The following TWNK variants were observed in gnomAD, a reference collection of about 807,000 sequenced individuals.
TWNK encodes the protein twinkle mtDNA helicase.
Under a neutral mutation model 58.2 loss-of-function variants are expected in TWNK, and 36 were observed. The ratio of observed to expected loss-of-function variants is 0.62; its 90% confidence interval spans 0.47 to 0.82. The LOEUF (loss-of-function observed/expected upper bound fraction) is 0.82. Among genes scored for constraint, TWNK ranks in the 40% least tolerant of loss-of-function variants. TWNK has a pLI of 0.00. For synonymous variants in TWNK, 349 were observed against 348.5 expected (o/e 1.00, Z -0.02); for missense variants, 714 against 881.0 (o/e 0.81, Z 2.40).
rs1216992278 is a variant in TWNK, at chr10:100,989,915, T to C, written c.1484+31T>C. 3 of 1,613,842 alleles carry C rather than the reference T, an allele frequency of 1.9e-6. No homozygotes were observed. The highest frequency in any genetic ancestry group is 3.3e-5 in the Admixed American group (2 of 60,004). ...ACTCCCAGATTCCAGCCACCTTGCT[T>C]TCCCAGACATATCCCAGCACTCAGG... On this transcript the variant is annotated intron_variant, in intron 2 of 4. Coordinates refer to ENST00000311916, the MANE Select transcript of TWNK (RefSeq NM_021830.5). The surrounding 1 kb of genome is among the most constrained non-coding windows in gnomAD (Gnocchi z 7.6).
Position 100,989,461 on chromosome 10 carries a change from T to G in TWNK, c.1243+8T>G. On this transcript the variant is annotated splice_region_variant and intron_variant, in intron 1 of 4. Coordinates refer to ENST00000311916, the MANE Select transcript of TWNK (RefSeq NM_021830.5). The surrounding 1 kb of genome is among the most constrained non-coding windows in gnomAD (Gnocchi z 7.6). ...AGCTGACGGTCTTCACAGGTAACCC[T>G]TTGAGAAATCACTACTTAGAGTAAA... is the stretch of plus-strand genomic sequence containing the variant. 6.2e-7 allele frequency: 1 copy of G among 1,613,466 alleles called. No homozygotes were observed. The highest frequency in any genetic ancestry group is 8.5e-7 in the Non-Finnish European group (1 of 1,180,016).
chr10:100,991,571 AAG>A (rs758549468), intron 4 of TWNK, among the ~76,000 whole-genome samples: 1 of 152,288 alleles, frequency 6.6e-6, no homozygotes, highest in East Asian at 1.9e-4. Context: ...GGAGCTGGGA[AAG>A]AGAGTAATGC....
At position 100,989,829 on chromosome 10, in the gene TWNK, C is replaced by G; in HGVS notation, c.1429C>G (p.Arg477Gly). 17 of 1,614,182 alleles carry G rather than the reference C, an allele frequency of 1.1e-5. No homozygotes were observed. The highest frequency in any genetic ancestry group is 1.4e-5 in the Non-Finnish European group (17 of 1,180,038). ...GGACAAATATGATCACTGGGCTGACCGCTTTGAGGACCTGCCCCTCTATTT... is the reference window on the plus strand; with the variant it reads ...GGACAAATATGATCACTGGGCTGACGGCTTTGAGGACCTGCCCCTCTATTT... ...QLDKYDHWAD[R>G]FEDLPLYFMT... The change falls in exon 2 of 5, where the codon CGC (arginine) becomes GGC (glycine). Residue 477 changes from arginine to glycine, a missense_variant. By Grantham distance (125) the Arg-to-Gly change is moderately radical. This residue lies in a region of TWNK where 302 missense variants were observed against 438.6 expected (regional missense o/e 0.69). Coordinates refer to ENST00000311916, the MANE Select transcript of TWNK (RefSeq NM_021830.5). The surrounding 1 kb of genome is among the most constrained non-coding windows in gnomAD (Gnocchi z 7.6).
At chr10:100,993,065 C>T (rs1851825955) in intron 4 of TWNK, 125 bp from the exon 5 acceptor site, 4 of 996,836 alleles carry the variant, frequency 4.0e-6, no homozygotes, top group Non-Finnish European at 6.3e-6. Flanking sequence ...GGATTACAGG[C>T]GTGAGCCATT....
At position 100,989,231 on chromosome 10, in the gene TWNK, C is replaced by T. The variant is rs566579080; in HGVS notation, c.1021C>T (p.Arg341Cys). The T allele has an allele frequency of 4.1e-5, 66 of 1,614,178 alleles. No homozygotes were observed. The highest frequency in any genetic ancestry group is 2.9e-4 in the South Asian group (26 of 91,080). The stretch of plus-strand genomic sequence containing the variant: ...GGTGCGACCAGGAGACCAGCAACCC[C>T]GTCCCCTGGAGGCCCTGAACGGAGG... ...FLVRPGDQQP[R>C]PLEALNGGFN... is the part of the protein sequence containing the mutation. Residue 341 changes from arginine to cysteine, a missense_variant, in exon 1 of 5, where the codon CGT becomes TGT. This residue lies in a region of TWNK where 302 missense variants were observed against 438.6 expected (regional missense o/e 0.69). Coordinates refer to ENST00000311916, the MANE Select transcript of TWNK (RefSeq NM_021830.5). This position sits in a 1 kb window ranked among gnomAD's most constrained non-coding sequence, Gnocchi z 7.6.
At chr10:100,993,131 T>G in intron 4 of TWNK, 59 bp from the exon 5 acceptor site, 1 of 1,569,560 alleles carries the variant, frequency 6.4e-7, no homozygotes, top group Non-Finnish European at 8.8e-7. Context: ...CAGCCCCCCT[T>G]TCTGCTTTGC....
rs761509248 is a variant in TWNK, at chr10:100,988,931, C to G, written c.721C>G (p.Pro241Ala). 2.5e-6 allele frequency: 4 copies of G among 1,614,166 alleles called. No individual in the cohort carries two copies. Among genetic ancestry groups the G allele is most frequent in the African/African-American group, 1.3e-5 (1 of 75,044 alleles). The change falls in exon 1 of 5, where the codon CCC becomes GCC. Residue 241 changes from proline (P) to alanine (A), a missense_variant. Physicochemically the swap from Pro to Ala is conservative, Grantham distance 27. This residue lies in a region of TWNK where 348 missense variants were observed against 388.4 expected (regional missense o/e 0.90). Coordinates refer to ENST00000311916, the MANE Select transcript of TWNK (RefSeq NM_021830.5). This position sits in a 1 kb window ranked among gnomAD's most constrained non-coding sequence, Gnocchi z 5.2. ...VSYEETTIPR[P>A]SAYHNLFGLP... is the part of the protein sequence containing the mutation. The stretch of plus-strand genomic sequence containing the variant: ...CTACGAGGAAACCACTATTCCCCGA[C>G]CCAGCGCCTACCACAATCTGTTTGG...
At position 100,989,118 on chromosome 10, in the gene TWNK, G is replaced by C. The variant is rs137852956; in HGVS notation, c.908G>C (p.Arg303Pro). The change falls in exon 1 of 5, where the codon CGG becomes CCG. Residue 303 changes from arginine to proline, a missense_variant. Arg to Pro is a moderately radical substitution (Grantham distance 103). Transcript: ENST00000311916. This position sits in a 1 kb window ranked among gnomAD's most constrained non-coding sequence, Gnocchi z 7.6. ...CTCCCTTACCTGGAACAGTTCCGGC[G>C]GATTGTATTCTGGTTGGGGGATGAC... ...ALLPYLEQFR[R>P]IVFWLGDDLR... is the part of the protein sequence containing the mutation. 1.2e-6 allele frequency: 2 copies of C among 1,612,132 alleles called. No homozygotes were observed. Among genetic ancestry groups the C allele is most frequent in the African/African-American group, 1.3e-5 (1 of 74,854 alleles).
intron 2 of TWNK, among the ~76,000 whole-genome samples, chr10:100,990,150 T>A (rs530190716): frequency 2.1e-5 from 3 of 145,972 alleles, no homozygotes; most frequent in South Asian, 4.5e-4. Context: ...TATAAAAAAA[T>A]TTTTAAAAAT....
chr10:100,989,109 A>G lies in TWNK; in HGVS notation c.899A>G (p.Gln300Arg). ...CCTGCCTTACTCCCTTACCTGGAAC[A>G]GTTCCGGCGGATTGTATTCTGGTTG... The part of the protein sequence containing the change: ...LPPALLPYLE[Q>R]FRRIVFWLGD... The change falls in exon 1 of 5, where the codon CAG becomes CGG. Residue 300 changes from glutamine to arginine, a missense_variant. Physicochemically the swap from Gln to Arg is conservative, Grantham distance 43. Transcript: ENST00000311916. The surrounding 1 kb of genome is among the most constrained non-coding windows in gnomAD (Gnocchi z 7.6). 6.2e-7 allele frequency: 1 copy of G among 1,612,548 alleles called. No homozygotes were observed. The highest frequency in any genetic ancestry group is 8.5e-7 in the Non-Finnish European group (1 of 1,178,732).
chr10:100,988,506 C>A lies in TWNK; in HGVS notation c.296C>A (p.Ser99Tyr), dbSNP rs760229194. The stretch of plus-strand genomic sequence containing the variant: ...AAAGGCCAGACTGGTGTTACCACTT[C>A]CTTCAGCCTCTTCATTGACAAGACC... ...QLKGQTGVTT[S>Y]FSLFIDKTTG... The change falls in exon 1 of 5, where the codon TCC (serine) becomes TAC (tyrosine). Residue 99 changes from serine (S) to tyrosine (Y), a missense_variant. This residue lies in a region of TWNK where 348 missense variants were observed against 388.4 expected (regional missense o/e 0.90). Coordinates refer to ENST00000311916, the MANE Select transcript of TWNK (RefSeq NM_021830.5). This position sits in a 1 kb window ranked among gnomAD's most constrained non-coding sequence, Gnocchi z 5.2. 2 of 1,614,246 alleles carry A rather than the reference C, an allele frequency of 1.2e-6. No individual in the cohort carries two copies. The highest frequency in any genetic ancestry group is 1.1e-5 in the South Asian group (1 of 91,092).
chr10:100,988,727 G>T lies in TWNK; in HGVS notation c.517G>T (p.Val173Phe). ...CTGGGAGCTGCCTGATCAGGAGGAGGTTCAGCTGGCTGATACAATGTTTGG... is the reference window on the plus strand; with the variant it reads ...CTGGGAGCTGCCTGATCAGGAGGAGTTTCAGCTGGCTGATACAATGTTTGG... ...PLWELPDQEEVQLADTMFGLT... is the reference protein window; with the variant it reads ...PLWELPDQEEFQLADTMFGLT... The change falls in exon 1 of 5, where the codon GTT (valine) becomes TTT (phenylalanine). Residue 173 changes from valine (V) to phenylalanine (F), a missense_variant. By Grantham distance (50) the Val-to-Phe change is conservative. Around this residue, in one of 3 missense-constraint regions of TWNK, gnomAD observed 348 missense variants for 388.4 expected, o/e 0.90. Coordinates refer to ENST00000311916, the MANE Select transcript of TWNK (RefSeq NM_021830.5). The surrounding 1 kb of genome is among the most constrained non-coding windows in gnomAD (Gnocchi z 5.2). 1.2e-6 allele frequency: 2 copies of T among 1,614,166 alleles called. No individual in the cohort carries two copies. The highest frequency in any genetic ancestry group is 1.7e-6 in the Non-Finnish European group (2 of 1,180,028).
chr10:100,988,119 G>T lies in TWNK; in HGVS notation c.-92G>T. 1 of 1,384,232 alleles carries T rather than the reference G, an allele frequency of 7.2e-7. No homozygotes were observed. Among genetic ancestry groups the T allele is most frequent in the Non-Finnish European group, 1.0e-6 (1 of 973,204 alleles). 85.7% of individuals were successfully genotyped at this position (1,384,232 alleles called of 1,614,324 possible). On this transcript the variant is annotated 5_prime_UTR_variant, in exon 1 of 5. Coordinates refer to ENST00000311916, the MANE Select transcript of TWNK (RefSeq NM_021830.5). This position sits in a 1 kb window ranked among gnomAD's most constrained non-coding sequence, Gnocchi z 5.2. ...CCTAGAGTGAGCTCTGCAGAGTGCT[G>T]CGTGGGATATCCCTAGAGTTTGGTC...
chr10:100,990,552 G>A lies in TWNK; in HGVS notation c.1592+9G>A. 1.2e-6 allele frequency: 2 copies of A among 1,614,048 alleles called. No homozygotes were observed. The highest frequency in any genetic ancestry group is 1.7e-6 in the Non-Finnish European group (2 of 1,180,032). On this transcript the variant is annotated intron_variant, in intron 3 of 4. Coordinates refer to ENST00000311916, the MANE Select transcript of TWNK (RefSeq NM_021830.5). ...CAGCTGTCCACAGACAGGTGACGGT[G>A]ACATCCTCTCTTGTCTAGCTTGAGC... is the stretch of plus-strand genomic sequence containing the variant.
In TWNK at chr10:100,988,657, G is replaced by A; in HGVS notation, c.447G>A (p.Glu149=). ...TGCTTAGCAAGGCACCAGAATTTGA[G>A]GACAGCGAGGAGGTCCGGAGGATCT... is the stretch of plus-strand genomic sequence containing the variant. ...GFLLSKAPEF[E]DSEEVRRIWN... The change falls in exon 1 of 5, where the codon GAG becomes GAA. Residue 149 remains glutamate, a synonymous_variant. Coordinates refer to ENST00000311916, the MANE Select transcript of TWNK (RefSeq NM_021830.5). The surrounding 1 kb of genome is among the most constrained non-coding windows in gnomAD (Gnocchi z 5.2). 1.2e-6 allele frequency: 2 copies of A among 1,614,062 alleles called. No individual in the cohort carries two copies. The highest frequency in any genetic ancestry group is 1.7e-6 in the Non-Finnish European group (2 of 1,180,014).
chr10:100,989,048 A>G lies in TWNK; in HGVS notation c.838A>G (p.Thr280Ala). The change falls in exon 1 of 5, where the codon ACC becomes GCC. Residue 280 changes from threonine to alanine, a missense_variant. Transcript: ENST00000311916. This position sits in a 1 kb window ranked among gnomAD's most constrained non-coding sequence, Gnocchi z 7.6. ...LALNQSTGLP[T>A]LTLPRGTTCL... ...CTTGAACCAGTCCACGGGGCTGCCT[A>G]CCCTTACTCTACCCCGAGGAACGAC... 6.2e-7 allele frequency: 1 copy of G among 1,613,862 alleles called. No homozygotes were observed. Among genetic ancestry groups the G allele is most frequent in the Non-Finnish European group, 8.5e-7 (1 of 1,179,958 alleles).
chr10:100,991,448 C>G (rs1851772429), intron 4 of TWNK, among the ~76,000 whole-genome samples: 1 of 151,368 alleles, frequency 6.6e-6, no homozygotes, highest in East Asian at 1.9e-4. Flanking sequence ...AGGACCAGCC[C>G]AATCCTGGAG....
rs768792879 is a variant in TWNK at position 100,989,443 on chromosome 10, G to A, written c.1233G>A (p.Thr411=). ...AGGGACATCGAAAGGGCGAGCTGAC[G>A]GTCTTCACAGGTAACCCTTTGAGAA... is the stretch of plus-strand genomic sequence containing the variant. The part of the protein sequence containing the change: ...ILKGHRKGEL[T]VFTGPTGSGK... Residue 411 remains threonine (T), a synonymous_variant, in exon 1 of 5, where the codon ACG becomes ACA. Transcript: ENST00000311916. The surrounding 1 kb of genome is among the most constrained non-coding windows in gnomAD (Gnocchi z 7.6). 17 of 1,613,730 alleles carry A rather than the reference G, an allele frequency of 1.1e-5. No individual in the cohort carries two copies. The highest frequency in any genetic ancestry group is 3.3e-5 in the South Asian group (3 of 91,080).
chr10:100,988,348 A>G lies in TWNK; in HGVS notation c.138A>G (p.Gln46=). 6.2e-7 allele frequency: 1 copy of G among 1,614,266 alleles called. No individual in the cohort carries two copies. The highest frequency in any genetic ancestry group is 8.5e-7 in the Non-Finnish European group (1 of 1,180,048). The part of the protein sequence containing the change: ...PRRRYRKETL[Q]ALDMPVLPVT... The stretch of plus-strand genomic sequence containing the variant: ...GACGTTACAGGAAGGAGACTCTCCA[A>G]GCCTTGGATATGCCAGTGTTGCCTG... Residue 46 remains glutamine, a synonymous_variant, in exon 1 of 5, where the codon CAA becomes CAG. Transcript: ENST00000311916. This position sits in a 1 kb window ranked among gnomAD's most constrained non-coding sequence, Gnocchi z 5.2.
Sources: gnomAD v4.1 joint callset for allele counts (sites outside exome capture counted in the v4.1 genomes callset) on GRCh38, gnomAD v4.1.1 for gene constraint, gnomAD v4.1.1 regional missense constraint, Gnocchi (gnomAD v3.1) non-coding constraint, MANE v1.5 for transcripts, NCBI Gene and HGNC (gene_info 2026-07-23, HGNC 2026-07-21) for gene names.